The following SPPL2A variants were observed in gnomAD, a reference collection of about 807,000 sequenced individuals.
The protein encoded by SPPL2A is signal peptide peptidase like 2A.
A neutral mutation model predicts 63.8 loss-of-function variants in SPPL2A; 51 were observed. That is an observed-to-expected ratio of 0.80 (90% CI 0.64 to 1.01). The LOEUF (loss-of-function observed/expected upper bound fraction) is 1.01. SPPL2A is among the 50% of genes least tolerant of loss of function. SPPL2A has a pLI of 0.00. For missense variants in SPPL2A, 553 were observed against 622.7 expected (o/e 0.89, Z 1.19); for synonymous variants, 188 against 205.8 (o/e 0.91, Z 0.74).
At chr15:50,711,971 T>A (rs149512310) in intron 14 of SPPL2A, among the ~76,000 whole-genome samples, 1 of 152,336 alleles carries the variant, frequency 6.6e-6, no homozygotes, top group East Asian at 1.9e-4. Flanking sequence ...CAGTGGCATA[T>A]GACAATTACA....
chr15:50,713,802 T>A (rs2062579042), intron 14 of SPPL2A, among the ~76,000 whole-genome samples: 1 of 152,116 alleles, frequency 6.6e-6, no homozygotes, highest in South Asian at 2.1e-4. Context: ...ATTTAGTCAA[T>A]GAGTCGAGAA....
rs530650202 is a variant in SPPL2A, at chr15:50,735,765, C to T, written c.932+336G>A. Among the ~76,000 whole-genome samples, 15 of 152,038 alleles carry T rather than the reference C, an allele frequency of 9.9e-5. No homozygotes were observed. The East Asian group carries it at 1.9e-3, about 20-fold the overall frequency. ...TAATTTTTTGTATTTTTAGTAGAGA[C>T]GGGGTTTCTCCATGTTGGTCAGGCT... is the stretch of plus-strand genomic sequence containing the variant. On this transcript the variant is annotated intron_variant, in intron 8 of 14. Coordinates refer to ENST00000261854, the MANE Select transcript of SPPL2A (RefSeq NM_032802.4).
At chr15:50,718,123 C>G (rs2062613562) in intron 14 of SPPL2A, among the ~76,000 whole-genome samples, 1 of 152,028 alleles carries the variant, frequency 6.6e-6, no homozygotes, top group Admixed American at 6.6e-5. Flanking sequence ...AAGGCACCCA[C>G]CACCACACCC....
chr15:50,736,332 G>A, intron 7 of SPPL2A, 130 bp from the exon 8 acceptor site: 1 of 640,552 alleles, frequency 1.6e-6, no homozygotes, highest in Non-Finnish European at 2.7e-6. Flanking sequence ...TTGATTTTAA[G>A]TAAAACAAAT....
In SPPL2A at chr15:50,718,031, G is replaced by A. The variant is rs2062612236; in HGVS notation, c.1488+1909C>T. On this transcript the variant is annotated intron_variant, in intron 14 of 14. Transcript: ENST00000261854. The stretch of plus-strand genomic sequence containing the variant: ...CTGTCCCCCAGGCTGGAGTGCAGTG[G>A]CACGATCTCGGCTCACTGCAAGCTC... Among the ~76,000 whole-genome samples, 5 of 146,010 alleles carry A rather than the reference G, an allele frequency of 3.4e-5. No individual in the cohort carries two copies. The South Asian group carries it at 1.1e-3, about 32-fold the overall frequency.
chr15:50,727,426 C>G (rs542122556), intron 10 of SPPL2A, among the ~76,000 whole-genome samples: 1 of 152,180 alleles, frequency 6.6e-6, no homozygotes, highest in Non-Finnish European at 1.5e-5. Context: ...TAAACTAATA[C>G]TAAGTACAGT....
chr15:50,750,687 T>C (rs2062898881), intron 1 of SPPL2A, among the ~76,000 whole-genome samples: 1 of 152,186 alleles, frequency 6.6e-6, no homozygotes, highest in Non-Finnish European at 1.5e-5. Context: ...ATAACTATTG[T>C]ACCTGGGGGG....
chr15:50,748,258 A>T, intron 3 of SPPL2A, 56 bp from the exon 4 acceptor site: 1 of 644,604 alleles, frequency 1.6e-6, no homozygotes, highest in Non-Finnish European at 2.5e-6. Flanking sequence ...TATAGAATAA[A>T]ATACTATTCC....
At chr15:50,713,700 G>A (rs1236502257) in intron 14 of SPPL2A, among the ~76,000 whole-genome samples, 2 of 151,978 alleles carry the variant, frequency 1.3e-5, no homozygotes, top group Non-Finnish European at 2.9e-5. Context: ...TGCAGCTTGT[G>A]ATAGCTCAGA....
chr15:50,742,246 T>C (rs969066690), intron 5 of SPPL2A, among the ~76,000 whole-genome samples: 1 of 151,838 alleles, frequency 6.6e-6, no homozygotes, highest in Non-Finnish European at 1.5e-5. Flanking sequence ...CACATCTCTA[T>C]TAATAATACA....
At chr15:50,722,591 G>C (rs527566629) in intron 12 of SPPL2A, among the ~76,000 whole-genome samples, 4 of 152,006 alleles carry the variant, frequency 2.6e-5, no homozygotes, top group Admixed American at 6.6e-5. Context: ...TGAGTAGCTG[G>C]GACTACAGGC....
At chr15:50,717,662 A>AC (rs1241705939) in intron 14 of SPPL2A, among the ~76,000 whole-genome samples, 1 of 152,008 alleles carries the variant, frequency 6.6e-6, no homozygotes, top group African/African-American at 2.4e-5. Flanking sequence ...AACTCCCGTA[A>AC]CCCTCTACTC....
intron 6 of SPPL2A, among the ~76,000 whole-genome samples, chr15:50,737,321 C>T (rs986735020): frequency 6.6e-6 from 1 of 152,098 alleles, no homozygotes. Context: ...CTACTATAAA[C>T]TAAGAGTTGA....
chr15:50,740,974 T>C (rs1430272490), intron 5 of SPPL2A, among the ~76,000 whole-genome samples: 1 of 152,176 alleles, frequency 6.6e-6, no homozygotes, highest in Non-Finnish European at 1.5e-5. Flanking sequence ...ATGCCTAGTC[T>C]ATGCTCATCA....
chr15:50,751,169 A>G (rs1483580226), intron 1 of SPPL2A, among the ~76,000 whole-genome samples: 1 of 152,248 alleles, frequency 6.6e-6, no homozygotes, highest in African/African-American at 2.4e-5. Flanking sequence ...TAAGGAAATA[A>G]GATGTGAAAA....
intron 14 of SPPL2A, among the ~76,000 whole-genome samples, chr15:50,717,600 G>A (rs2062607524): frequency 6.6e-6 from 1 of 152,182 alleles, no homozygotes; most frequent in Admixed American, 6.6e-5. Context: ...CTTATAAGAT[G>A]CTACATACAA....
At chr15:50,716,854 T>G (rs1015371313) in intron 14 of SPPL2A, among the ~76,000 whole-genome samples, 6 of 152,248 alleles carry the variant, frequency 3.9e-5, no homozygotes, top group African/African-American at 1.4e-4. Context: ...CAATTATCTA[T>G]CTCTAGCCAG....
At chr15:50,725,499 A>G (rs963281795) in intron 11 of SPPL2A, 176 bp from the exon 12 acceptor site, 1 of 449,818 alleles carries the variant, frequency 2.2e-6, no homozygotes, top group Non-Finnish European at 4.0e-6. Context: ...GCTCACTGCA[A>G]CTGCAACTGC....
chr15:50,738,344 T>A (rs192942058), intron 6 of SPPL2A, among the ~76,000 whole-genome samples: 7 of 151,984 alleles, frequency 4.6e-5, no homozygotes, highest in Admixed American at 2.6e-4. Flanking sequence ...AGGTCAGGAG[T>A]TCGAGACCAG....
Sources: gnomAD v4.1 joint callset for allele counts (sites outside exome capture counted in the v4.1 genomes callset) on GRCh38, gnomAD v4.1.1 for gene constraint, MANE v1.5 for transcripts, NCBI Gene and HGNC (gene_info 2026-07-23, HGNC 2026-07-21) for gene names.